EXOC4: variants seen among roughly 807,000 people sequenced by gnomAD.
EXOC4 encodes the protein exocyst complex component 4.
EXOC4 carries 71 observed loss-of-function variants against 107.2 expected under a neutral mutation model. That is an observed-to-expected ratio of 0.66 (90% CI 0.55 to 0.81). EXOC4 has a LOEUF of 0.81. Ranked by LOEUF, EXOC4 falls within the 30% of genes least tolerant of loss-of-function variation. The pLI, the probability that EXOC4 is intolerant of heterozygous loss-of-function variation, is 0.00. For missense variants in EXOC4, 1,108 were observed against 1,189.6 expected (o/e 0.93, Z 1.01); for synonymous variants, 456 against 441.2 (o/e 1.03, Z -0.42).
chr7:133,415,970 A>G (rs1376702949), intron 7 of EXOC4, among the ~76,000 whole-genome samples: 1 of 152,196 alleles, frequency 6.6e-6, no homozygotes, highest in African/African-American at 2.4e-5. Context: ...AGAATCATTT[A>G]TTAGTACAGA....
intron 15 of EXOC4, among the ~76,000 whole-genome samples, chr7:134,003,162 T>A (rs948350146): frequency 6.6e-6 from 1 of 152,166 alleles, no homozygotes; most frequent in Non-Finnish European, 1.5e-5. Flanking sequence ...TGGGTGAATA[T>A]CAAATGCTTT....
intron 10 of EXOC4, among the ~76,000 whole-genome samples, chr7:133,808,933 GA>G (rs1448121185): frequency 6.6e-6 from 1 of 152,070 alleles, no homozygotes; most frequent in Non-Finnish European, 1.5e-5. Flanking sequence ...TATCTCTCCT[GA>G]AAAGTTCTGC....
At chr7:133,698,794 G>A (rs1251945500) in intron 10 of EXOC4, among the ~76,000 whole-genome samples, 1 of 151,926 alleles carries the variant, frequency 6.6e-6, no homozygotes, top group African/African-American at 2.4e-5. Context: ...CTGTGATTTT[G>A]CATAGCATGT....
intron 9 of EXOC4, among the ~76,000 whole-genome samples, chr7:133,513,372 A>C (rs1468376226): frequency 6.6e-6 from 1 of 152,064 alleles, no homozygotes; most frequent in Non-Finnish European, 1.5e-5. Flanking sequence ...CCGGCTTGAT[A>C]TTATTTTTAT....
chr7:133,807,674 A>G (rs1340970981), intron 10 of EXOC4, among the ~76,000 whole-genome samples: 1 of 152,232 alleles, frequency 6.6e-6, no homozygotes, highest in Non-Finnish European at 1.5e-5. Context: ...GACCTCTTGG[A>G]AAAGCAGGAT....
intron 5 of EXOC4, among the ~76,000 whole-genome samples, chr7:133,352,801 A>G (rs961992541): frequency 2.6e-5 from 4 of 151,846 alleles, no homozygotes; most frequent in South Asian, 2.1e-4. Context: ...TCCCGATGGT[A>G]TGCATTCTGT....
At chr7:133,484,351 GGTGTGTCA>G (rs1462321170) in intron 9 of EXOC4, among the ~76,000 whole-genome samples, 4 of 152,164 alleles carry the variant, frequency 2.6e-5, no homozygotes, top group Non-Finnish European at 5.9e-5. Context: ...CTAACTTGTG[GGTGTGTCA>G]GTGTTAATCA....
intron 7 of EXOC4, among the ~76,000 whole-genome samples, chr7:133,401,651 TAA>T (rs11387586): frequency 6.4e-5 from 9 of 141,162 alleles, no homozygotes; most frequent in African/African-American, 5.2e-5. Context: ...GACCCTGTCT[TAA>T]AAAAAAAAAA....
intron 10 of EXOC4, among the ~76,000 whole-genome samples, chr7:133,654,783 T>C (rs1803247991): frequency 2.0e-5 from 3 of 152,172 alleles, no homozygotes; most frequent in African/African-American, 7.2e-5. Context: ...TGTTATAACC[T>C]ACTACACGCC....
the EXOC4 span, among the ~76,000 whole-genome samples, chr7:134,085,422 T>C: frequency 1.3e-3 from 197 of 152,306 alleles, no homozygotes; most frequent in African/African-American, 4.5e-3. Flanking sequence ...GAAAAACTGC[T>C]GAATCTTGGT....
intron 9 of EXOC4, among the ~76,000 whole-genome samples, chr7:133,589,203 G>T (rs534444508): frequency 6.6e-6 from 1 of 152,206 alleles, no homozygotes; most frequent in South Asian, 2.1e-4. Context: ...GAAGAAAAAT[G>T]GGTGGCCTTT....
chr7:133,551,427 G>A (rs571971759), intron 9 of EXOC4, among the ~76,000 whole-genome samples: 1 of 152,024 alleles, frequency 6.6e-6, no homozygotes, highest in South Asian at 2.1e-4. Context: ...CTTGTCTAGA[G>A]TACAGAGAAA....
At chr7:133,441,819 GTGTT>G (rs1798110783) in intron 7 of EXOC4, among the ~76,000 whole-genome samples, 1 of 152,214 alleles carries the variant, frequency 6.6e-6, no homozygotes, top group Non-Finnish European at 1.5e-5. Flanking sequence ...TTAAGCCTGT[GTGTT>G]TGTGTGTGGG....
chr7:133,712,987 A>G (rs1331080117), intron 10 of EXOC4, among the ~76,000 whole-genome samples: 2 of 152,218 alleles, frequency 1.3e-5, no homozygotes, highest in Admixed American at 1.3e-4. Context: ...TTACTGGATA[A>G]GGGCTCTTAC....
chr7:133,873,838 G>A (rs1420998169), intron 11 of EXOC4, among the ~76,000 whole-genome samples: 1 of 152,162 alleles, frequency 6.6e-6, no homozygotes, highest in African/African-American at 2.4e-5. Context: ...GCAAAGCTTT[G>A]ATATTCTGAT....
At chr7:133,829,577 GTCC>G (rs1395533813) in intron 11 of EXOC4, among the ~76,000 whole-genome samples, 1 of 152,204 alleles carries the variant, frequency 6.6e-6, no homozygotes, top group Non-Finnish European at 1.5e-5. Context: ...TTGAATTATT[GTCC>G]TAGTTGACCA....
intron 2 of EXOC4, among the ~76,000 whole-genome samples, chr7:133,280,553 G>A (rs544748801): frequency 6.6e-6 from 1 of 152,266 alleles, no homozygotes; most frequent in South Asian, 2.1e-4. Flanking sequence ...TTGTTGAGAT[G>A]TGCACACAAA....
intron 11 of EXOC4, among the ~76,000 whole-genome samples, chr7:133,838,528 A>G: frequency 6.6e-6 from 1 of 152,114 alleles, no homozygotes. Flanking sequence ...TGGTGAGTTT[A>G]TTTCTCTTTA....
chr7:133,791,615 T>C (rs1301146136), intron 10 of EXOC4, among the ~76,000 whole-genome samples: 1 of 152,204 alleles, frequency 6.6e-6, no homozygotes, highest in Non-Finnish European at 1.5e-5. Context: ...AAACAAAATG[T>C]CCATGAGAGC....
Sources: gnomAD v4.1 joint callset for allele counts (sites outside exome capture counted in the v4.1 genomes callset) on GRCh38, gnomAD v4.1.1 for gene constraint, MANE v1.5 for transcripts, NCBI Gene and HGNC (gene_info 2026-07-23, HGNC 2026-07-21) for gene names.